PRAG1: variants seen among roughly 807,000 people sequenced by gnomAD.
PRAG1 encodes PEAK1 related, kinase-activating pseudokinase 1, also known as inactive tyrosine-protein kinase PRAG1.
PRAG1 carries 110 observed loss-of-function variants against 95.6 expected under a neutral mutation model. The observed-to-expected ratio is 1.15, with a 90% CI of 0.99 to 1.35. The LOEUF (loss-of-function observed/expected upper bound fraction) is 1.35, where lower values mean the gene tolerates loss of function less well. Ranked by LOEUF, PRAG1 falls within the 40% of genes most tolerant of loss-of-function variation. PRAG1 has a pLI of 0.00. For missense variants in PRAG1, 2,554 were observed against 1,864.7 expected (o/e 1.37, Z -6.81); for synonymous variants, 1,052 against 819.4 (o/e 1.28, Z -4.85).
chr8:8,384,344 T>C (rs993730964), intron 1 of PRAG1, among the ~76,000 whole-genome samples: 6 of 151,932 alleles, frequency 3.9e-5, no homozygotes, highest in African/African-American at 1.2e-4. Flanking sequence ...ATTGCTAGCG[T>C]GGGGGAAGTT....
intron 4 of PRAG1, among the ~76,000 whole-genome samples, chr8:8,333,686 T>C (rs908076529): frequency 6.6e-6 from 1 of 152,234 alleles, no homozygotes; most frequent in African/African-American, 2.4e-5. Flanking sequence ...TGGTCAGTCC[T>C]GTTTTGGCTC....
intron 5 of PRAG1, among the ~76,000 whole-genome samples, chr8:8,321,404 G>T (rs1476677803): frequency 6.6e-6 from 1 of 152,192 alleles, no homozygotes; most frequent in Admixed American, 6.5e-5. Context: ...TTTTTAAATG[G>T]CAGGCTTCTG....
In PRAG1 at chr8:8,319,397, C is replaced by T. The variant is rs1224984519; in HGVS notation, c.3073-95G>A. ...ATTTGAGTATCTACGTGCAATAAGC[C>T]TATCCACATAGGCTTAAGGGTAAGA... On this transcript the variant is annotated intron_variant, in intron 5 of 5. Transcript: ENST00000615670. 3.8e-6 allele frequency: 4 copies of T among 1,057,498 alleles called. No homozygotes were observed. In the East Asian group the frequency reaches 7.8e-5, roughly 21 times the overall value. The allele number at this position is 1,057,498 out of a possible 1,614,324, so 65.5% of individuals were successfully genotyped here. A position where few individuals can be genotyped will look rare whatever the true frequency, so the allele number is the denominator to read the frequency against.
At chr8:8,368,855 A>G (rs1161927667) in intron 3 of PRAG1, among the ~76,000 whole-genome samples, 1 of 151,654 alleles carries the variant, frequency 6.6e-6, no homozygotes, top group African/African-American at 2.4e-5. Context: ...AAGTGTTTAG[A>G]TGATTACTAC....
chr8:8,338,080 A>ATGT (rs1488600181), intron 4 of PRAG1, among the ~76,000 whole-genome samples: 1 of 152,058 alleles, frequency 6.6e-6, no homozygotes, highest in Non-Finnish European at 1.5e-5. Context: ...TCTAAGTCCC[A>ATGT]TGTTCTCATA....
Position 8,328,321 on chromosome 8 carries a change from C to T in PRAG1, c.2461G>A (p.Val821Met). 6.2e-7 allele frequency: 1 copy of T among 1,613,608 alleles called. No individual in the cohort carries two copies. Among genetic ancestry groups the T allele is most frequent in the Non-Finnish European group, 8.5e-7 (1 of 1,179,856 alleles). Residue 821 changes from valine (V) to methionine (M), a missense_variant, in exon 5 of 6, where the codon GTG (valine) becomes ATG (methionine). By Grantham distance (21) the Val-to-Met change is conservative. Coordinates refer to ENST00000615670, the MANE Select transcript of PRAG1 (RefSeq NM_001080826.3). ...QPPPLPQKKI[V>M]SRAASSPDGF... Reference sequence around the variant, plus strand: ...TCCGGTGAAGAGGCTGCCCGGCTCACTATCTTTTTCTGGGGGAGTGGAGGG... The same window carrying T: ...TCCGGTGAAGAGGCTGCCCGGCTCATTATCTTTTTCTGGGGGAGTGGAGGG...
rs1321053049 is a variant in PRAG1, at chr8:8,328,232, G to C, written c.2550C>G (p.Ser850Arg). Residue 850 changes from serine (S) to arginine (R), a missense_variant, in exon 5 of 6, where the codon AGC becomes AGG. Coordinates refer to ENST00000615670, the MANE Select transcript of PRAG1 (RefSeq NM_001080826.3). ...CGTCGTGGACGTTGGTTTCCGAGTG[G>C]CTTAGGTTCAGCTTGGGGCTTGCTG... is the stretch of plus-strand genomic sequence containing the variant. The part of the protein sequence containing the change: ...PGTASPKLNL[S>R]HSETNVHDES... 1.2e-6 allele frequency: 2 copies of C among 1,614,222 alleles called. No homozygotes were observed.
chr8:8,371,941 G>A (rs1460009121), intron 3 of PRAG1, among the ~76,000 whole-genome samples: 1 of 152,058 alleles, frequency 6.6e-6, no homozygotes, highest in East Asian at 1.9e-4. Context: ...CTCACCTAGG[G>A]CCAGACCATT....
At chr8:8,365,725 G>A (rs1799980522) in intron 3 of PRAG1, among the ~76,000 whole-genome samples, 1 of 152,034 alleles carries the variant, frequency 6.6e-6, no homozygotes, top group African/African-American at 2.4e-5. Context: ...CACTTTGGGA[G>A]GCCAAGGAGG....
At chr8:8,374,207 A>T (rs1383841321) in intron 3 of PRAG1, among the ~76,000 whole-genome samples, 1 of 152,088 alleles carries the variant, frequency 6.6e-6, no homozygotes, top group Non-Finnish European at 1.5e-5. Flanking sequence ...GAGACTCCAG[A>T]CTCTCAGTTT....
rs751345903 is a variant in PRAG1 at position 8,377,608 on chromosome 8, C to T, written c.801G>A (p.Lys267=). Residue 267 remains lysine, a synonymous_variant, in exon 3 of 6, where the codon AAG becomes AAA. Coordinates refer to ENST00000615670, the MANE Select transcript of PRAG1 (RefSeq NM_001080826.3). ...GGGAACCTGCAGTCTGGGAGGCAGC[C>T]TTGGCAACAGGGCTCCCAGGGCAGC... ...LDCCPGSPVA[K]AASQTAGSRG... The T allele has an allele frequency of 2.5e-5, 40 of 1,613,090 alleles. No homozygotes were observed. The South Asian group carries it at 3.6e-4, about 15-fold the overall frequency.
At chr8:8,336,085 C>A (rs1182350056) in intron 4 of PRAG1, among the ~76,000 whole-genome samples, 1 of 152,178 alleles carries the variant, frequency 6.6e-6, no homozygotes, top group South Asian at 2.1e-4. Flanking sequence ...TACATGTATT[C>A]ATGCAAGTGA....
In PRAG1 at chr8:8,377,555, G is replaced by T. The variant is rs1305715804; in HGVS notation, c.854C>A (p.Ser285Ter). 2.5e-6 allele frequency: 4 copies of T among 1,605,934 alleles called. No individual in the cohort carries two copies. Among genetic ancestry groups the T allele is most frequent in the Non-Finnish European group, 3.4e-6 (4 of 1,176,228 alleles). The change falls in exon 3 of 6, where the codon TCA becomes TAA. Residue 285 changes from serine to a stop codon, truncating the protein, a stop_gained. Transcript: ENST00000615670. LOFTEE classifies it high-confidence loss of function. ...CTTCCCCTGCTCCCAGCACGTGGGT[G>T]AGCAGTCCCTGCCACCATGCCTGCC... ...SRGRHGGRDCSPTCWEQGKCS... is the reference protein window; with the variant it reads ...SRGRHGGRDC
Position 8,376,909 on chromosome 8 carries a change from C to G in PRAG1, c.1500G>C (p.Gln500His). 6.2e-7 allele frequency: 1 copy of G among 1,613,406 alleles called. No homozygotes were observed. Among genetic ancestry groups the G allele is most frequent in the Non-Finnish European group, 8.5e-7 (1 of 1,180,028 alleles). The change falls in exon 3 of 6, where the codon CAG (glutamine) becomes CAC (histidine). Residue 500 changes from glutamine (Q) to histidine (H), a missense_variant. Transcript: ENST00000615670. ...TCTGGCTCACAGGCCCTCGTGGCCA[C>G]TGCACCCCCACTGCAGAGTCAGGGC... is the stretch of plus-strand genomic sequence containing the variant. Reference protein sequence around the residue: ...LSSPDSAVGVQWPRGPVSQNS... With the variant: ...LSSPDSAVGVHWPRGPVSQNS...
Position 8,319,199 on chromosome 8 carries a change from G to C in PRAG1, c.3176C>G (p.Pro1059Arg), listed in dbSNP as rs773243396. ...QDCGHFVASV[P>R]SSMLSSPDAP... ...GTCGGGGGAGCTGAGCATGCTGGACGGCACCGAGGCGACGAAGTGGCCGCA... is the reference window on the plus strand; with the variant it reads ...GTCGGGGGAGCTGAGCATGCTGGACCGCACCGAGGCGACGAAGTGGCCGCA... The change falls in exon 6 of 6, where the codon CCG becomes CGG. Residue 1059 changes from proline (P) to arginine (R), a missense_variant. Coordinates refer to ENST00000615670, the MANE Select transcript of PRAG1 (RefSeq NM_001080826.3). 6.3e-7 allele frequency: 1 copy of C among 1,592,386 alleles called. No homozygotes were observed. Among genetic ancestry groups the C allele is most frequent in the Non-Finnish European group, 8.6e-7 (1 of 1,166,444 alleles).
intron 4 of PRAG1, among the ~76,000 whole-genome samples, chr8:8,330,477 G>C (rs1798785893): frequency 6.6e-6 from 1 of 152,226 alleles, no homozygotes; most frequent in African/African-American, 2.4e-5. Context: ...ATCATAGGGA[G>C]TTGCCCTTCC....
Position 8,376,375 on chromosome 8 carries a change from A to G in PRAG1, c.2034T>C (p.Asp678=). 2 of 1,614,198 alleles carry G rather than the reference A, an allele frequency of 1.2e-6. No individual in the cohort carries two copies. Among genetic ancestry groups the G allele is most frequent in the Non-Finnish European group, 1.7e-6 (2 of 1,180,052 alleles). ...CTTTGCTGTTCTGCCCAGAGGAGCC[A>G]TCTGTGGGGTGGAGACGGTGCCAGG... ...STTWHRLHPT[D]GSSGQNSKVG... The change falls in exon 3 of 6, where the codon GAT becomes GAC. Residue 678 remains aspartate (D), a synonymous_variant. Transcript: ENST00000615670.
intron 3 of PRAG1, among the ~76,000 whole-genome samples, chr8:8,374,898 G>C (rs548403958): frequency 6.6e-6 from 1 of 152,206 alleles, no homozygotes; most frequent in East Asian, 1.9e-4. Context: ...CATCAGCCCA[G>C]AGGCACATCA....
intron 5 of PRAG1, among the ~76,000 whole-genome samples, chr8:8,321,413 T>C (rs576090223): frequency 1.3e-5 from 2 of 152,332 alleles, no homozygotes; most frequent in African/African-American, 4.8e-5. Flanking sequence ...GGCAGGCTTC[T>C]GGAGCACTAT....
Sources: gnomAD v4.1 joint callset for allele counts (sites outside exome capture counted in the v4.1 genomes callset) on GRCh38, gnomAD v4.1.1 for gene constraint, MANE v1.5 for transcripts, NCBI Gene and HGNC (gene_info 2026-07-23, HGNC 2026-07-21) for gene names.